Variants in ELAVL2 observed in about 807,000 individuals in gnomAD.
The protein encoded by ELAVL2 is ELAV-like protein 2.
A neutral mutation model predicts 34.6 loss-of-function variants in ELAVL2; 4 were observed. That is an observed-to-expected ratio of 0.12 (90% CI 0.06 to 0.26). The LOEUF is 0.26. Ranked by LOEUF, ELAVL2 falls within the 10% of genes least tolerant of loss-of-function variation. ELAVL2 has a pLI of 1.00. For missense variants in ELAVL2, 432 were observed against 442.8 expected (o/e 0.98, Z 0.22); for synonymous variants, 193 against 154.8 (o/e 1.25, Z -1.83).
At position 23,802,817 on chromosome 9, in the gene ELAVL2, G is replaced by A. The variant is rs183689482; in HGVS notation, c.-16+22989C>T. 5.9e-5 allele frequency among the ~76,000 whole-genome samples: 9 copies of A among 152,304 alleles called. No homozygotes were observed. The East Asian group carries it at 1.7e-3, about 29-fold the overall frequency. On this transcript the variant is annotated intron_variant, in intron 1 of 6. Transcript: ENST00000397312. The stretch of plus-strand genomic sequence containing the variant: ...GCCAGACGTTAAAGAAATGTAAAAT[G>A]TAAAACTATGCCAGCCTTACTTTTT...
chr9:23,726,263 A>G (rs577627159), intron 3 of ELAVL2, among the ~76,000 whole-genome samples: 3 of 152,268 alleles, frequency 2.0e-5, no homozygotes, highest in African/African-American at 7.2e-5. Flanking sequence ...TCTCATTTTT[A>G]TAATAGAATT....
At chr9:23,810,600 G>A (rs1251630420) in intron 1 of ELAVL2, among the ~76,000 whole-genome samples, 1 of 152,008 alleles carries the variant, frequency 6.6e-6, no homozygotes, top group East Asian at 1.9e-4. Flanking sequence ...TCTGATTTCA[G>A]CCACCTTAAA....
At position 23,736,473 on chromosome 9, in the gene ELAVL2, G is replaced by A. The variant is rs374423936; in HGVS notation, c.230-5348C>T. The stretch of plus-strand genomic sequence containing the variant: ...GCTAAGGAGAAAAAAGCAGCAGGGG[G>A]TGAGAGTGGGGAGGGGAGGAGCAGG... On this transcript the variant is annotated intron_variant, in intron 2 of 6. Transcript: ENST00000397312. 5.5e-4 allele frequency among the ~76,000 whole-genome samples: 84 copies of A among 152,260 alleles called. 3 individuals are homozygous for A. In the South Asian group the frequency reaches 0.017, roughly 31 times the overall value.
intron 2 of ELAVL2, among the ~76,000 whole-genome samples, chr9:23,753,315 C>T (rs768871796): frequency 2.6e-5 from 4 of 152,012 alleles, no homozygotes; most frequent in Non-Finnish European, 5.9e-5. Flanking sequence ...AATTTTGAAG[C>T]ACAGTTTTAG....
At chr9:23,715,214 T>C (rs923386448) in intron 3 of ELAVL2, among the ~76,000 whole-genome samples, 1 of 152,170 alleles carries the variant, frequency 6.6e-6, no homozygotes, top group African/African-American at 2.4e-5. Context: ...AGTGGCACGA[T>C]CTCAGCTCAC....
At chr9:23,730,700 T>C (rs764998263) in intron 3 of ELAVL2, among the ~76,000 whole-genome samples, 12 of 152,088 alleles carry the variant, frequency 7.9e-5, no homozygotes, top group Non-Finnish European at 1.3e-4. Flanking sequence ...CAGACCTTTA[T>C]AGAAGAACAA....
intron 3 of ELAVL2, among the ~76,000 whole-genome samples, chr9:23,724,061 C>G (rs1337121367): frequency 6.6e-6 from 1 of 152,176 alleles, no homozygotes; most frequent in African/African-American, 2.4e-5. Context: ...AATAGCCAGG[C>G]TTTTCTGGTA....
chr9:23,719,904 C>T (rs2043232226), intron 3 of ELAVL2, among the ~76,000 whole-genome samples: 1 of 149,422 alleles, frequency 6.7e-6, no homozygotes, highest in Non-Finnish European at 1.5e-5. Flanking sequence ...CAGCTTACTG[C>T]AACTTCCGCC....
intron 1 of ELAVL2, among the ~76,000 whole-genome samples, chr9:23,813,657 G>A (rs989901007): frequency 6.6e-6 from 1 of 152,194 alleles, no homozygotes; most frequent in African/African-American, 2.4e-5. Flanking sequence ...GGGGGGAGGA[G>A]AGAAAAGGTA....
the ELAVL2 span, among the ~76,000 whole-genome samples, chr9:23,834,866 G>C: frequency 1.3e-5 from 2 of 152,114 alleles, no homozygotes; most frequent in Admixed American, 6.6e-5. Flanking sequence ...CTGAGTCTGA[G>C]ATCCCATTTG....
chr9:23,786,797 AAAAAAAG>A (rs1344721383), intron 1 of ELAVL2, among the ~76,000 whole-genome samples: 11 of 151,124 alleles, frequency 7.3e-5, no homozygotes, highest in African/African-American at 2.2e-4. Flanking sequence ...AAAAAAAAAA[AAAAAAAG>A]AGAGAGAGAG....
chr9:23,747,418 A>G (rs1254867414), intron 2 of ELAVL2, among the ~76,000 whole-genome samples: 1 of 152,172 alleles, frequency 6.6e-6, no homozygotes, highest in Non-Finnish European at 1.5e-5. Flanking sequence ...TGATAATGGG[A>G]GGACTACGGT....
chr9:23,704,598 T>C (rs371732823), intron 4 of ELAVL2, among the ~76,000 whole-genome samples: 1 of 152,254 alleles, frequency 6.6e-6, no homozygotes, highest in East Asian at 1.9e-4. Context: ...TTATTAGTAC[T>C]CTATAAGCAG....
At position 23,769,642 on chromosome 9, in the gene ELAVL2, C is replaced by A. The variant is rs960083679; in HGVS notation, c.-15-7393G>T. 5.7e-4 allele frequency among the ~76,000 whole-genome samples: 86 copies of A among 152,192 alleles called. 1 individual carries two copies. Among genetic ancestry groups the A allele is most frequent in the Non-Finnish European group, 2.9e-4 (20 of 68,038 alleles). ...GTCAATTCTCCAGCCCACCCACATA[C>A]CATGTTAGCTGTCTCACTAGCTCTA... On this transcript the variant is annotated intron_variant, in intron 1 of 6. Transcript: ENST00000397312.
chr9:23,707,117 T>C (rs1010334110), intron 3 of ELAVL2, among the ~76,000 whole-genome samples: 7 of 152,238 alleles, frequency 4.6e-5, no homozygotes, highest in Non-Finnish European at 8.8e-5. Context: ...GTTTTCTCTA[T>C]GCCTAAATAC....
At chr9:23,693,589 C>A in intron 5 of ELAVL2, 103 bp from the exon 6 acceptor site, 1 of 1,355,520 alleles carries the variant, frequency 7.4e-7, no homozygotes, top group African/African-American at 1.4e-5. Context: ...TATCTGTACA[C>A]TGATTATATG....
At chr9:23,712,103 T>G (rs1466937834) in intron 3 of ELAVL2, among the ~76,000 whole-genome samples, 1 of 152,256 alleles carries the variant, frequency 6.6e-6, no homozygotes, top group Middle Eastern at 3.4e-3. Context: ...GGAGTCTTAA[T>G]TTTGGAGCAA....
chr9:23,849,006 G>C, the ELAVL2 span, among the ~76,000 whole-genome samples: 1 of 152,092 alleles, frequency 6.6e-6, no homozygotes, highest in Non-Finnish European at 1.5e-5. Context: ...TTTTTTAAAA[G>C]TGCAAAACAG....
At chr9:23,738,982 AAT>A (rs2048521083) in intron 2 of ELAVL2, among the ~76,000 whole-genome samples, 1 of 152,126 alleles carries the variant, frequency 6.6e-6, no homozygotes, top group African/African-American at 2.4e-5. Flanking sequence ...GTGGGTTCTT[AAT>A]ATATCACATT....
Sources: gnomAD v4.1 joint callset for allele counts (sites outside exome capture counted in the v4.1 genomes callset) on GRCh38, gnomAD v4.1.1 for gene constraint, MANE v1.5 for transcripts, NCBI Gene and HGNC (gene_info 2026-07-23, HGNC 2026-07-21) for gene names.